IGSF10: variants seen among roughly 807,000 people sequenced by gnomAD.
IGSF10 encodes the protein calvaria mechanical force protein 608.
Under a neutral mutation model 128.2 loss-of-function variants are expected in IGSF10, and 126 were observed. The ratio of observed to expected loss-of-function variants is 0.98; its 90% CI spans 0.85 to 1.14. The LOEUF is 1.14. Ranked by LOEUF, IGSF10 falls within the 50% of genes most tolerant of loss-of-function variation. The pLI is 0.00. For synonymous variants in IGSF10, 1,185 were observed against 1,146.2 expected (o/e 1.03, Z -0.68); for missense variants, 3,295 against 3,149.8 (o/e 1.05, Z -1.10).
At chr3:151,434,623 A>G (rs1236175122), downstream of IGSF10, 1 of 152,212 alleles carries the variant, frequency 6.6e-6, no homozygotes, top group Non-Finnish European at 1.5e-5. Flanking sequence ...GTTTTCTTCA[A>G]AGTAATATAT....
At chr3:151,515,997 A>T in the IGSF10 span, among the ~76,000 whole-genome samples, 2 of 152,072 alleles carry the variant, frequency 1.3e-5, no homozygotes, top group Non-Finnish European at 2.9e-5. Context: ...ATTATGCCAC[A>T]GTGCATATTC....
chr3:151,525,053 C>T, the IGSF10 span, among the ~76,000 whole-genome samples: 1 of 125,002 alleles, frequency 8.0e-6, no homozygotes, highest in Non-Finnish European at 1.6e-5. Context: ...TTAAAGAGAG[C>T]CTTGCTCTGT....
chr3:151,598,930 G>T, the IGSF10 span, among the ~76,000 whole-genome samples: 33 of 152,070 alleles, frequency 2.2e-4, no homozygotes, highest in African/African-American at 8.0e-4. Flanking sequence ...CATATTCTAG[G>T]GGCCAGGGAA....
chr3:151,459,453 A>G (rs1188874904), intron 2 of IGSF10, among the ~76,000 whole-genome samples: 2 of 152,214 alleles, frequency 1.3e-5, no homozygotes, highest in African/African-American at 4.8e-5. Flanking sequence ...AAAAAAAAAG[A>G]CACATTGAAC....
At chr3:151,499,041 A>G in the IGSF10 span, among the ~76,000 whole-genome samples, 348 of 152,208 alleles carry the variant, frequency 2.3e-3, 1 homozygote, top group Middle Eastern at 0.014. Context: ...TTTACATTTA[A>G]AGTGATAGCA....
At chr3:151,473,629 C>CA in the IGSF10 span, among the ~76,000 whole-genome samples, 1 of 152,084 alleles carries the variant, frequency 6.6e-6, no homozygotes, top group African/African-American at 2.4e-5. Context: ...AAAGGAGCCA[C>CA]AAAAAAAGTA....
At chr3:151,495,510 G>C in the IGSF10 span, among the ~76,000 whole-genome samples, 1 of 151,994 alleles carries the variant, frequency 6.6e-6, no homozygotes, top group African/African-American at 2.4e-5. Flanking sequence ...TACATTATCC[G>C]TGACAACATT....
the IGSF10 span, among the ~76,000 whole-genome samples, chr3:151,472,003 T>G: frequency 6.6e-6 from 1 of 152,322 alleles, no homozygotes; most frequent in South Asian, 2.1e-4. Flanking sequence ...AGCTGCCTGG[T>G]GCTTCCTGAG....
At chr3:151,471,041 G>A in the IGSF10 span, among the ~76,000 whole-genome samples, 5 of 152,046 alleles carry the variant, frequency 3.3e-5, no homozygotes, top group Admixed American at 6.6e-5. Context: ...CACCGAAATC[G>A]CACCTTGAAT....
chr3:151,485,458 A>G, the IGSF10 span, among the ~76,000 whole-genome samples: 6 of 152,208 alleles, frequency 3.9e-5, no homozygotes, highest in African/African-American at 1.4e-4. Flanking sequence ...GAACACCACA[A>G]AGATACTCCT....
chr3:151,432,956 G>T (rs922327693), downstream of IGSF10: 4 of 581,342 alleles, frequency 6.9e-6, no homozygotes, highest in African/African-American at 7.7e-5. Context: ...AAAAAAAAAG[G>T]TGTTTAAACA....
At chr3:151,469,785 A>T in the IGSF10 span, among the ~76,000 whole-genome samples, 2 of 152,218 alleles carry the variant, frequency 1.3e-5, no homozygotes, top group African/African-American at 4.8e-5. Flanking sequence ...GATTTAATTA[A>T]ACAAGGACTC....
chr3:151,470,777 A>C, the IGSF10 span, among the ~76,000 whole-genome samples: 1 of 152,156 alleles, frequency 6.6e-6, no homozygotes, highest in Non-Finnish European at 1.5e-5. Context: ...AACTGGTAGA[A>C]ACTTCATCAG....
At chr3:151,518,259 C>T in the IGSF10 span, among the ~76,000 whole-genome samples, 1 of 151,934 alleles carries the variant, frequency 6.6e-6, no homozygotes, top group Non-Finnish European at 1.5e-5. Context: ...AAATGTCAAG[C>T]TATAACCAAT....
chr3:151,553,977 A>AC, the IGSF10 span, among the ~76,000 whole-genome samples: 2,655 of 151,412 alleles, frequency 0.018, 27 homozygotes, highest in South Asian at 0.057. Context: ...CAACAACAAA[A>AC]AAAAAACAAA....
At chr3:151,537,244 G>T in the IGSF10 span, among the ~76,000 whole-genome samples, 1 of 152,114 alleles carries the variant, frequency 6.6e-6, no homozygotes, top group Admixed American at 6.5e-5. Flanking sequence ...TACTCAATAC[G>T]TATAGCACTG....
At position 151,448,125 on chromosome 3, in the gene IGSF10, G is replaced by T. The variant is rs1721308243; in HGVS notation, c.1856C>A (p.Ser619Ter). ...IPGNNVLYQS[S>*]RDKKVLNNGT... ...ATTGTTTAGAACTTTCTTGTCTCTT[G>T]ATGACTGATAGAGCACATTGTTTCC... Residue 619 changes from serine (S) to a stop codon, truncating the protein, a stop_gained, in exon 6 of 8, where the codon TCA becomes TAA. Coordinates refer to ENST00000282466, the MANE Select transcript of IGSF10 (RefSeq NM_178822.5). LOFTEE classifies it high-confidence loss of function. 7.4e-6 allele frequency: 12 copies of T among 1,613,962 alleles called. No individual in the cohort carries two copies. Among genetic ancestry groups the T allele is most frequent in the Non-Finnish European group, 1.0e-5 (12 of 1,179,972 alleles).
chr3:151,572,122 C>T, the IGSF10 span, among the ~76,000 whole-genome samples: 27 of 152,234 alleles, frequency 1.8e-4, no homozygotes, highest in East Asian at 5.8e-4. Flanking sequence ...TTCGGTTTGC[C>T]GGTATTTTAT....
chr3:151,525,828 C>T, the IGSF10 span, among the ~76,000 whole-genome samples: 11 of 152,266 alleles, frequency 7.2e-5, no homozygotes, highest in South Asian at 2.1e-3. Flanking sequence ...CCGATTAACT[C>T]GAAGTACATT....
Sources: gnomAD v4.1 joint callset for allele counts (sites outside exome capture counted in the v4.1 genomes callset) on GRCh38, gnomAD v4.1.1 for gene constraint, MANE v1.5 for transcripts, NCBI Gene and HGNC (gene_info 2026-07-23, HGNC 2026-07-21) for gene names.